TXNL1: variants seen among roughly 807,000 people sequenced by gnomAD.
The protein encoded by TXNL1 is thioredoxin like 1, also known as thioredoxin-like protein 1.
In TXNL1, 14 loss-of-function variants were observed where a neutral mutation model predicts 35.5. The observed-to-expected ratio is 0.39, with a 90% CI of 0.26 to 0.62. TXNL1 has a LOEUF of 0.62. Ranked by LOEUF, TXNL1 falls within the 20% of genes least tolerant of loss-of-function variation. The probability of loss-of-function intolerance (pLI) is 0.47; values close to 1 mark genes in which losing one functional copy is unlikely to be tolerated. For missense variants in TXNL1, 263 were observed against 349.7 expected (o/e 0.75, Z 1.98); for synonymous variants, 110 against 115.5 (o/e 0.95, Z 0.31).
intron 7 of TXNL1, chr18:56,609,472 A>C (rs1250965873): frequency 6.6e-6 from 1 of 152,204 alleles, no homozygotes; most frequent in Non-Finnish European, 1.5e-5. Flanking sequence ...CTGAATGGCT[A>C]GCTGGTAAGA....
intron 3 of TXNL1, among the ~76,000 whole-genome samples, chr18:56,623,782 A>G (rs2024230086): frequency 6.6e-6 from 1 of 152,088 alleles, no homozygotes; most frequent in South Asian, 2.1e-4. Context: ...TGATTCTAAA[A>G]CAAAATCAGT....
intron 7 of TXNL1, among the ~76,000 whole-genome samples, chr18:56,607,675 G>T (rs1283646499): frequency 6.6e-6 from 1 of 152,042 alleles, no homozygotes; most frequent in Non-Finnish European, 1.5e-5. Flanking sequence ...GGCCAACATG[G>T]TGAAACCCCA....
intron 5 of TXNL1, among the ~76,000 whole-genome samples, chr18:56,615,494 T>A (rs1464592479): frequency 6.7e-6 from 1 of 150,300 alleles, no homozygotes; most frequent in African/African-American, 2.5e-5. Context: ...AAAGGAAAAT[T>A]CTTTATTTTA....
At chr18:56,611,413 A>G (rs1282668234) in intron 6 of TXNL1, among the ~76,000 whole-genome samples, 3 of 151,762 alleles carry the variant, frequency 2.0e-5, no homozygotes, top group African/African-American at 7.3e-5. Flanking sequence ...GGGGCAGGAG[A>G]ATCGCTTGAA....
intron 3 of TXNL1, among the ~76,000 whole-genome samples, chr18:56,621,005 A>G (rs2024171670): frequency 6.6e-6 from 1 of 152,196 alleles, no homozygotes; most frequent in Non-Finnish European, 1.5e-5. Context: ...TTTGCCTTAA[A>G]AGGGCAGTTT....
chr18:56,618,260 G>T, intron 3 of TXNL1, 134 bp from the exon 4 acceptor site: 1 of 920,828 alleles, frequency 1.1e-6, no homozygotes, highest in Non-Finnish European at 1.6e-6. Flanking sequence ...AACTTTTACA[G>T]TAGTCCTTTC....
At chr18:56,607,896 T>C (rs1264445337) in intron 7 of TXNL1, among the ~76,000 whole-genome samples, 5 of 152,062 alleles carry the variant, frequency 3.3e-5, no homozygotes, top group African/African-American at 1.2e-4. Flanking sequence ...AAGGTGAAAA[T>C]ATTGTAAGTC....
At chr18:56,632,314 G>A (rs770229268) in intron 1 of TXNL1, among the ~76,000 whole-genome samples, 1 of 151,668 alleles carries the variant, frequency 6.6e-6, no homozygotes, top group Non-Finnish European at 1.5e-5. Flanking sequence ...TTTCCTGCAG[G>A]GTAAAACTTT....
At chr18:56,626,155 T>C (rs1239900157) in intron 2 of TXNL1, 2 of 1,286,266 alleles carry the variant, frequency 1.6e-6, no homozygotes, top group Admixed American at 3.6e-5. Context: ...AGGTGATTAA[T>C]ACAAACCTGA....
At chr18:56,619,858 C>G (rs2024152977) in intron 3 of TXNL1, among the ~76,000 whole-genome samples, 1 of 152,062 alleles carries the variant, frequency 6.6e-6, no homozygotes, top group South Asian at 2.1e-4. Context: ...GCCTTTTCTG[C>G]ATATTTGGAG....
intron 6 of TXNL1, among the ~76,000 whole-genome samples, chr18:56,613,534 C>T (rs2024030587): frequency 6.6e-6 from 1 of 152,148 alleles, no homozygotes; most frequent in African/African-American, 2.4e-5. Context: ...TTCAGAAAGG[C>T]TGGGTGTAGT....
intron 7 of TXNL1, 48 bp downstream of exon 7, chr18:56,610,945 T>C (rs371414102): frequency 2.4e-6 from 3 of 1,233,364 alleles, no homozygotes; most frequent in Non-Finnish European, 3.4e-6. Context: ...AATTATTCCA[T>C]TAAAATTATA....
intron 5 of TXNL1, among the ~76,000 whole-genome samples, chr18:56,615,391 A>AG (rs1457574820): frequency 1.1e-3 from 2 of 1,742 alleles, no homozygotes; most frequent in African/African-American, 1.3e-3. Flanking sequence ...CAATCAATCG[A>AG]AAAAAAAAAA....
intron 6 of TXNL1, among the ~76,000 whole-genome samples, chr18:56,613,580 G>A (rs1185997836): frequency 6.6e-6 from 1 of 152,186 alleles, no homozygotes; most frequent in Non-Finnish European, 1.5e-5. Context: ...TTGGGAGGCT[G>A]AGGTGGGAGG....
In TXNL1 at chr18:56,614,572, A is replaced by G. The variant is rs752531922; in HGVS notation, c.587T>C (p.Ile196Thr). 1 of 1,613,364 alleles carries G rather than the reference A, an allele frequency of 6.2e-7. No individual in the cohort carries two copies. Among genetic ancestry groups the G allele is most frequent in the Non-Finnish European group, 8.5e-7 (1 of 1,179,818 alleles). Residue 196 changes from isoleucine to threonine, a missense_variant, in exon 6 of 8, where the codon ATT becomes ACT. Coordinates refer to ENST00000217515, the MANE Select transcript of TXNL1 (RefSeq NM_004786.3). Reference protein sequence around the residue: ...DNGQGPKYVKIFINLPRSMDF... With the variant: ...DNGQGPKYVKTFINLPRSMDF... ...CATAGATCGGGGTAGGTTGATAAAA[A>G]TTTTTACATATTTAGGGCCCTGACC...
chr18:56,635,861 C>T (rs1405218596), intron 1 of TXNL1, among the ~76,000 whole-genome samples: 2 of 152,276 alleles, frequency 1.3e-5, no homozygotes, highest in Middle Eastern at 3.4e-3. Context: ...ACATAACCTA[C>T]GACCATTCTC....
At chr18:56,623,560 T>C (rs980698001) in intron 3 of TXNL1, among the ~76,000 whole-genome samples, 1 of 152,240 alleles carries the variant, frequency 6.6e-6, no homozygotes, top group Non-Finnish European at 1.5e-5. Context: ...ATACAAGATT[T>C]ACCTATTTGT....
chr18:56,618,729 T>C (rs1194434654), intron 3 of TXNL1, among the ~76,000 whole-genome samples: 4 of 151,738 alleles, frequency 2.6e-5, no homozygotes, highest in African/African-American at 7.3e-5. Flanking sequence ...TTCATGAACA[T>C]TTCAGTATGA....
intron 1 of TXNL1, among the ~76,000 whole-genome samples, chr18:56,633,503 C>T (rs567365035): frequency 4.0e-5 from 6 of 149,024 alleles, no homozygotes; most frequent in South Asian, 2.1e-4. Context: ...CCTGTAGTTC[C>T]GATTACTGCT....
Sources: gnomAD v4.1 joint callset for allele counts (sites outside exome capture counted in the v4.1 genomes callset) on GRCh38, gnomAD v4.1.1 for gene constraint, MANE v1.5 for transcripts, NCBI Gene and HGNC (gene_info 2026-07-23, HGNC 2026-07-21) for gene names.